CNTNAP5: variants seen among roughly 807,000 people sequenced by gnomAD.
CNTNAP5 encodes the protein contactin-associated protein-like 5.
Under a neutral mutation model 150.2 loss-of-function variants are expected in CNTNAP5, and 72 were observed. The observed-to-expected ratio is 0.48, with a 90% confidence interval of 0.40 to 0.58. The LOEUF (loss-of-function observed/expected upper bound fraction) is 0.58. Ranked by LOEUF, CNTNAP5 falls within the 20% of genes least tolerant of loss-of-function variation. The pLI is 0.00. For synonymous variants in CNTNAP5, 672 were observed against 619.8 expected (o/e 1.08, Z -1.25); for missense variants, 1,636 against 1,626.2 (o/e 1.01, Z -0.10).
At chr2:124,534,721 A>T (rs944899457) in intron 10 of CNTNAP5, among the ~76,000 whole-genome samples, 3 of 152,198 alleles carry the variant, frequency 2.0e-5, no homozygotes, top group African/African-American at 7.2e-5. Flanking sequence ...GAAATACAAA[A>T]AAAACAAAAA....
chr2:124,248,604 T>G (rs1687087536), intron 3 of CNTNAP5, among the ~76,000 whole-genome samples: 1 of 152,220 alleles, frequency 6.6e-6, no homozygotes, highest in Non-Finnish European at 1.5e-5. Flanking sequence ...ATTTAGCCCA[T>G]GAAAGCTCCT....
At chr2:124,080,872 A>G (rs1284484591) in intron 1 of CNTNAP5, among the ~76,000 whole-genome samples, 1 of 152,210 alleles carries the variant, frequency 6.6e-6, no homozygotes, top group East Asian at 1.9e-4. Context: ...TCAGGAGAAG[A>G]TCAAGAGAAT....
chr2:124,335,204 A>G (rs1689442595), intron 3 of CNTNAP5, among the ~76,000 whole-genome samples: 1 of 152,170 alleles, frequency 6.6e-6, no homozygotes, highest in Non-Finnish European at 1.5e-5. Flanking sequence ...TTCTGGTATT[A>G]GACTTTCTCA....
At chr2:124,229,491 A>C (rs552368330) in intron 2 of CNTNAP5, among the ~76,000 whole-genome samples, 18 of 152,264 alleles carry the variant, frequency 1.2e-4, no homozygotes, top group African/African-American at 3.4e-4. Context: ...ATCACACACA[A>C]AAAAAATGAA....
intron 19 of CNTNAP5, among the ~76,000 whole-genome samples, chr2:124,832,683 G>A (rs1682740704): frequency 6.6e-6 from 1 of 151,854 alleles, no homozygotes; most frequent in Admixed American, 6.6e-5. Flanking sequence ...ATTTTAGGGA[G>A]AACTTGCCAA....
At chr2:124,060,112 T>A (rs1681966157) in intron 1 of CNTNAP5, among the ~76,000 whole-genome samples, 1 of 152,192 alleles carries the variant, frequency 6.6e-6, no homozygotes, top group African/African-American at 2.4e-5. Context: ...TCTATTTTAG[T>A]GTGTTCAGGG....
chr2:124,688,158 C>T (rs1231540617), intron 13 of CNTNAP5, among the ~76,000 whole-genome samples: 4 of 152,016 alleles, frequency 2.6e-5, no homozygotes, highest in Non-Finnish European at 5.9e-5. Context: ...AACTCTGTAT[C>T]AATTGCCAAC....
intron 12 of CNTNAP5, among the ~76,000 whole-genome samples, chr2:124,630,157 CG>C (rs1677820989): frequency 6.6e-6 from 1 of 151,890 alleles, no homozygotes; most frequent in South Asian, 2.1e-4. Flanking sequence ...AAAGAGGAGC[CG>C]GTACCATTTC....
intron 6 of CNTNAP5, among the ~76,000 whole-genome samples, chr2:124,451,052 ATAT>A (rs1236526792): frequency 5.2e-4 from 26 of 49,718 alleles, no homozygotes; most frequent in Non-Finnish European, 7.8e-4. Flanking sequence ...AAAAAAAAAA[ATAT>A]ATATATATAT....
At chr2:124,159,284 G>A (rs72980530) in intron 1 of CNTNAP5, among the ~76,000 whole-genome samples, 1,865 of 152,194 alleles carry the variant, frequency 0.012, 29 homozygotes, top group African/African-American at 0.043. Context: ...TTCTTAAACC[G>A]GAATCTGCAA....
intron 6 of CNTNAP5, among the ~76,000 whole-genome samples, chr2:124,465,911 G>A (rs1316597527): frequency 3.3e-5 from 5 of 152,100 alleles, no homozygotes; most frequent in Non-Finnish European, 7.4e-5. Context: ...TGGAGGGAAC[G>A]AGATTGCAAT....
chr2:124,854,688 T>C (rs531343003), intron 19 of CNTNAP5, among the ~76,000 whole-genome samples: 99 of 152,338 alleles, frequency 6.5e-4, no homozygotes, highest in African/African-American at 2.1e-3. Context: ...TTCTGGAGAT[T>C]TAAGATAGCA....
chr2:124,142,423 A>G (rs1174531573), intron 1 of CNTNAP5, among the ~76,000 whole-genome samples: 6 of 151,962 alleles, frequency 3.9e-5, no homozygotes, highest in East Asian at 1.9e-4. Flanking sequence ...AAAGAACAGA[A>G]ATTATAACAA....
chr2:124,758,650 A>G (rs542774025), intron 14 of CNTNAP5, among the ~76,000 whole-genome samples: 14 of 152,258 alleles, frequency 9.2e-5, no homozygotes, highest in African/African-American at 3.1e-4. Flanking sequence ...GACAGAATGC[A>G]GGCAATTATC....
chr2:124,089,378 T>A (rs1361550394), intron 1 of CNTNAP5, among the ~76,000 whole-genome samples: 3 of 152,074 alleles, frequency 2.0e-5, no homozygotes, highest in Admixed American at 6.5e-5. Flanking sequence ...ACACTCTTGG[T>A]GTTTTTCCAG....
At chr2:124,293,901 G>T (rs1015951743) in intron 3 of CNTNAP5, among the ~76,000 whole-genome samples, 2 of 152,114 alleles carry the variant, frequency 1.3e-5, no homozygotes, top group African/African-American at 4.8e-5. Context: ...AGCTGAGTCT[G>T]GGGGGCTGAG....
rs762781984 is a variant in CNTNAP5 at position 124,916,654 on chromosome 2, A to G, written c.*2366A>G. The stretch of plus-strand genomic sequence containing the variant: ...CTCAGAGTATTTGATTTTCTCATCT[A>G]AGTATATATGCTTGTAGATTGTCCT... On this transcript the variant is annotated 3_prime_UTR_variant, in exon 24 of 24. Transcript: ENST00000682447. 6.6e-6 allele frequency among the ~76,000 whole-genome samples: 1 copy of G among 152,052 alleles called. No individual in the cohort carries two copies. Among genetic ancestry groups the G allele is most frequent in the Non-Finnish European group, 1.5e-5 (1 of 67,976 alleles).
intron 1 of CNTNAP5, among the ~76,000 whole-genome samples, chr2:124,188,756 A>C (rs1010625126): frequency 5.3e-5 from 8 of 150,508 alleles, no homozygotes; most frequent in Non-Finnish European, 1.0e-4. Flanking sequence ...ACAGTGACAA[A>C]GTGAGAGAGA....
chr2:124,713,314 CTTTCCTTT>C (rs1187865309), intron 13 of CNTNAP5, among the ~76,000 whole-genome samples: 2 of 79,874 alleles, frequency 2.5e-5, no homozygotes, highest in Non-Finnish European at 5.4e-5. Flanking sequence ...CTTTCTCTTT[CTTTCCTTT>C]CTTTCTTTCT....
Sources: gnomAD v4.1 joint callset for allele counts (sites outside exome capture counted in the v4.1 genomes callset) on GRCh38, gnomAD v4.1.1 for gene constraint, MANE v1.5 for transcripts, NCBI Gene and HGNC (gene_info 2026-07-23, HGNC 2026-07-21) for gene names.